Variants in TBC1D22A observed in about 807,000 individuals in gnomAD.
The protein encoded by TBC1D22A is putative GTPase activator.
In TBC1D22A, 38 loss-of-function variants were observed where a neutral mutation model predicts 60.2. That is an observed-to-expected ratio of 0.63 (90% CI 0.49 to 0.83). TBC1D22A has a LOEUF of 0.83. Among genes scored for constraint, TBC1D22A ranks in the 40% least tolerant of loss-of-function variants. The pLI, the probability that TBC1D22A is intolerant of heterozygous loss-of-function variation, is 0.00. For synonymous variants in TBC1D22A, 302 were observed against 281.7 expected (o/e 1.07, Z -0.72); for missense variants, 628 against 701.0 (o/e 0.90, Z 1.18).
chr22:47,055,308 A>G (rs148747582), intron 11 of TBC1D22A, among the ~76,000 whole-genome samples: 3 of 152,288 alleles, frequency 2.0e-5, no homozygotes, highest in African/African-American at 7.2e-5. Flanking sequence ...CCCAGAGCTG[A>G]TGCTCGGGTT....
chr22:47,096,664 A>G (rs1053575026), intron 11 of TBC1D22A, among the ~76,000 whole-genome samples: 5 of 152,100 alleles, frequency 3.3e-5, no homozygotes, highest in African/African-American at 9.7e-5. Flanking sequence ...TCTACTAAAA[A>G]TACAAAAATT....
intron 7 of TBC1D22A, among the ~76,000 whole-genome samples, chr22:46,909,509 C>T (rs1015771310): frequency 3.9e-5 from 6 of 152,184 alleles, no homozygotes; most frequent in African/African-American, 7.2e-5. Flanking sequence ...TCTGGACACA[C>T]GTGGAGGGAT....
intron 8 of TBC1D22A, among the ~76,000 whole-genome samples, chr22:46,966,176 C>T (rs955172301): frequency 6.6e-6 from 1 of 152,210 alleles, no homozygotes; most frequent in Non-Finnish European, 1.5e-5. Context: ...GCGCTCTATC[C>T]GATCCTGCCG....
At chr22:47,126,341 C>T (rs1294498044) in intron 12 of TBC1D22A, among the ~76,000 whole-genome samples, 1 of 152,220 alleles carries the variant, frequency 6.6e-6, no homozygotes, top group Non-Finnish European at 1.5e-5. Flanking sequence ...GACAGGGACG[C>T]CATGATCCCC....
At chr22:47,126,742 T>A (rs1380264802) in intron 12 of TBC1D22A, among the ~76,000 whole-genome samples, 1 of 152,188 alleles carries the variant, frequency 6.6e-6, no homozygotes, top group Non-Finnish European at 1.5e-5. Flanking sequence ...CAGGAAGCCA[T>A]GTCAAGGGCA....
intron 4 of TBC1D22A, among the ~76,000 whole-genome samples, chr22:46,812,459 G>C (rs371475221): frequency 4.2e-4 from 64 of 152,222 alleles, no homozygotes; most frequent in African/African-American, 1.5e-3. Context: ...TTTGAAGTTT[G>C]CAGGCTCTGG....
intron 7 of TBC1D22A, among the ~76,000 whole-genome samples, chr22:46,909,368 G>A (rs555168968): frequency 2.6e-5 from 4 of 152,192 alleles, no homozygotes; most frequent in African/African-American, 9.6e-5. Flanking sequence ...CCCTGCTCTG[G>A]GCGGTGCCTG....
chr22:47,107,842 A>G (rs529285830), intron 11 of TBC1D22A, among the ~76,000 whole-genome samples: 201 of 152,386 alleles, frequency 1.3e-3, no homozygotes, highest in African/African-American at 4.7e-3. Flanking sequence ...TGTGCATACA[A>G]ATGAACTTCC....
At chr22:46,958,583 C>G (rs1569272557) in intron 8 of TBC1D22A, among the ~76,000 whole-genome samples, 3 of 152,216 alleles carry the variant, frequency 2.0e-5, no homozygotes, top group Non-Finnish European at 4.4e-5. Context: ...ACTCAGCCAG[C>G]CTCCGTGTCT....
At chr22:47,065,189 G>T (rs1270225501) in intron 11 of TBC1D22A, among the ~76,000 whole-genome samples, 1 of 152,112 alleles carries the variant, frequency 6.6e-6, no homozygotes, top group East Asian at 1.9e-4. Context: ...TTAGAGACAG[G>T]GTTTCACCGT....
chr22:47,050,292 A>G (rs186437779), intron 11 of TBC1D22A, among the ~76,000 whole-genome samples: 2,000 of 150,268 alleles, frequency 0.013, 18 homozygotes, highest in Middle Eastern at 0.035. Flanking sequence ...GACATGAGCC[A>G]CCGCGCCTGG....
At chr22:47,033,921 T>C (rs903277499) in intron 10 of TBC1D22A, among the ~76,000 whole-genome samples, 2 of 152,136 alleles carry the variant, frequency 1.3e-5, no homozygotes, top group Non-Finnish European at 2.9e-5. Context: ...CCAGTGTCTC[T>C]TCATCTGTGG....
In TBC1D22A at chr22:46,797,588, A is replaced by G. The variant is rs569400492; in HGVS notation, c.605A>G (p.Lys202Arg). The G allele has an allele frequency of 2.0e-5, 32 of 1,610,904 alleles. No homozygotes were observed. The South Asian group carries it at 2.6e-4, about 13-fold the overall frequency. ...EREASRLDKF[K>R]QLLAGPNTDL... is the part of the protein sequence containing the mutation. ...GAGGCCTCCCGGCTCGACAAGTTCAAGCAGCTGCTTGCCGGCCCCAACACG... is the reference window on the plus strand; with the variant it reads ...GAGGCCTCCCGGCTCGACAAGTTCAGGCAGCTGCTTGCCGGCCCCAACACG... The change falls in exon 4 of 13, where the codon AAG becomes AGG. Residue 202 changes from lysine (K) to arginine (R), a missense_variant. Coordinates refer to ENST00000337137, the MANE Select transcript of TBC1D22A (RefSeq NM_014346.5).
chr22:46,994,401 G>A lies in TBC1D22A; in HGVS notation c.1126-3233G>A, dbSNP rs578220878. Among the ~76,000 whole-genome samples the A allele has an allele frequency of 3.3e-4, 50 of 152,232 alleles. No individual in the cohort carries two copies. The South Asian group carries it at 0.01, about 31-fold the overall frequency. ...AGTGCAAGGGGCTGAACCCACCTTCGCCTCTCCCCGTTTTGGCCTCCATGG... is the reference window on the plus strand; with the variant it reads ...AGTGCAAGGGGCTGAACCCACCTTCACCTCTCCCCGTTTTGGCCTCCATGG... On this transcript the variant is annotated intron_variant, in intron 9 of 12. Transcript: ENST00000337137.
At chr22:46,800,115 A>G (rs767250129) in intron 4 of TBC1D22A, among the ~76,000 whole-genome samples, 5 of 152,154 alleles carry the variant, frequency 3.3e-5, no homozygotes, top group Non-Finnish European at 7.4e-5. Context: ...GCCCTGTAAC[A>G]TGCCATCCTA....
At chr22:46,948,064 A>G (rs1235790760) in intron 8 of TBC1D22A, among the ~76,000 whole-genome samples, 1 of 152,234 alleles carries the variant, frequency 6.6e-6, no homozygotes, top group Non-Finnish European at 1.5e-5. Flanking sequence ...TGTCTAGGAA[A>G]CATGCCTTTG....
At chr22:47,012,824 C>T (rs1281512572) in intron 10 of TBC1D22A, among the ~76,000 whole-genome samples, 2 of 152,182 alleles carry the variant, frequency 1.3e-5, no homozygotes, top group Admixed American at 6.5e-5. Context: ...GGACATTCTG[C>T]CCTACGTTAG....
rs2067826914 is a variant in TBC1D22A, at chr22:47,158,862, C to T, written c.1426-14636C>T. On this transcript the variant is annotated intron_variant, in intron 12 of 12. Coordinates refer to ENST00000337137, the MANE Select transcript of TBC1D22A (RefSeq NM_014346.5). ...GCGTCCAGAAAGGAGGCAAGGCAGGCGCAGGTCCCCTCCCCAGGCCACACA... is the reference window on the plus strand; with the variant it reads ...GCGTCCAGAAAGGAGGCAAGGCAGGTGCAGGTCCCCTCCCCAGGCCACACA... Among the ~76,000 whole-genome samples, 3 of 152,134 alleles carry T rather than the reference C, an allele frequency of 2.0e-5. 1 individual carries two copies. The highest frequency in any genetic ancestry group is 2.0e-4 in the Admixed American group (3 of 15,264).
At chr22:46,885,712 A>G (rs897889977) in intron 5 of TBC1D22A, among the ~76,000 whole-genome samples, 1 of 151,980 alleles carries the variant, frequency 6.6e-6, no homozygotes, top group African/African-American at 2.4e-5. Context: ...ATGCCTTCCC[A>G]TCACTGTGGG....
Sources: allele counts gnomAD v4.1 joint callset (sites outside exome capture counted in the v4.1 genomes callset), GRCh38; gene constraint gnomAD v4.1.1; transcripts MANE v1.5; gene names NCBI Gene and HGNC (gene_info 2026-07-23, HGNC 2026-07-21).